The following ESR2 variants were observed in gnomAD, a reference collection of about 807,000 sequenced individuals.
The protein encoded by ESR2 is estrogen receptor 2, also known as estrogen receptor beta.
Under a neutral mutation model 49.6 loss-of-function variants are expected in ESR2, and 36 were observed. That is an observed-to-expected ratio of 0.73 (90% CI 0.56 to 0.96). The LOEUF is 0.96. ESR2 is among the 40% of genes least tolerant of loss of function. ESR2 has a pLI of 0.00. For synonymous variants in ESR2, 320 were observed against 266.1 expected (o/e 1.20, Z -1.97); for missense variants, 714 against 693.0 (o/e 1.03, Z -0.34).
rs142729036 is a variant in ESR2 at position 64,284,382 on chromosome 14, A to C, written c.-90-1307T>G. Among the ~76,000 whole-genome samples the C allele has an allele frequency of 7.7e-4, 117 of 152,020 alleles. 3 individuals carry two copies. The East Asian group carries it at 0.022, about 29-fold the overall frequency. On this transcript the variant is annotated intron_variant, in intron 1 of 8. Coordinates refer to ENST00000341099, the MANE Select transcript of ESR2 (RefSeq NM_001437.3). ...ACTCTTGTTGCCTAGGCTGGAGTGC[A>C]ATGGCGCCATATCAGCTCACTGCAA...
chr14:64,238,854 A>G (rs1316624999), intron 7 of ESR2, among the ~76,000 whole-genome samples: 3 of 152,026 alleles, frequency 2.0e-5, no homozygotes, highest in African/African-American at 7.2e-5. Context: ...TCTCCCCTTT[A>G]TCAGCTGGGA....
chr14:64,284,334 C>CG, intron 1 of ESR2, among the ~76,000 whole-genome samples: 1 of 151,050 alleles, frequency 6.6e-6, no homozygotes, highest in East Asian at 2.0e-4. Context: ...ACAGGCAAAT[C>CG]TTTTTTTTTG....
At chr14:64,243,969 G>A (rs1267311466) in intron 7 of ESR2, among the ~76,000 whole-genome samples, 2 of 152,200 alleles carry the variant, frequency 1.3e-5, no homozygotes, top group South Asian at 2.1e-4. Context: ...GACCACTGGT[G>A]TCTATTTGGG....
At chr14:64,253,564 G>T (rs1175268502) in intron 6 of ESR2, among the ~76,000 whole-genome samples, 4 of 72,354 alleles carry the variant, frequency 5.5e-5, no homozygotes, top group African/African-American at 1.4e-4. Context: ...CACTATTTGT[G>T]TGTGTGTGTG....
intron 1 of ESR2, among the ~76,000 whole-genome samples, chr14:64,290,466 G>A (rs2076853887): frequency 6.6e-6 from 1 of 152,140 alleles, no homozygotes; most frequent in South Asian, 2.1e-4. Context: ...GCAGTGGCAT[G>A]ATCGCGGCTC....
chr14:64,254,472 C>T (rs768215776), intron 6 of ESR2, among the ~76,000 whole-genome samples: 3 of 151,668 alleles, frequency 2.0e-5, no homozygotes, highest in Non-Finnish European at 4.4e-5. Context: ...GTAGGCTGGG[C>T]GTGGTGACTC....
At chr14:64,329,888 C>T (rs1362888670) in intron 1 of ESR2, 2 of 152,304 alleles carry the variant, frequency 1.3e-5, no homozygotes, top group Admixed American at 6.5e-5. Flanking sequence ...CCTGTAATCC[C>T]AGCACTTTGG....
At chr14:64,317,773 T>C (rs903181518) in intron 1 of ESR2, among the ~76,000 whole-genome samples, 2 of 152,068 alleles carry the variant, frequency 1.3e-5, no homozygotes, top group Non-Finnish European at 2.9e-5. Flanking sequence ...ATCATATCAA[T>C]AGACACAGAA....
Position 64,260,447 on chromosome 14 carries a change from A to C in ESR2, c.952+2T>G. 1 of 1,522,514 alleles carries C rather than the reference A, an allele frequency of 6.6e-7. No individual in the cohort carries two copies. Among genetic ancestry groups the C allele is most frequent in the Non-Finnish European group, 8.8e-7 (1 of 1,136,520 alleles). 94.3% of individuals were successfully genotyped at this position (1,522,514 alleles called of 1,614,324 possible). On this transcript the variant is annotated splice_donor_variant, in intron 5 of 8. Transcript: ENST00000341099. LOFTEE classifies it high-confidence loss of function. ...GGAAAACTGATAGCCAGAAAGCCCT[A>C]CCGGGAATCTTCTTGGCCCAGCTGA...
rs56347632 is a variant in ESR2 at position 64,241,145 on chromosome 14, C to CAAAAAAAAAAA, written c.1226-6006_1226-5996dup. ...TGGGCCACAGAGCGAGACTCCGTCT[C>CAAAAAAAAAAA]AAAAAAAAAAAAAAAAAAAAAAAAA... is the stretch of plus-strand genomic sequence containing the variant. On this transcript the variant is annotated intron_variant, in intron 7 of 8. Coordinates refer to ENST00000341099, the MANE Select transcript of ESR2 (RefSeq NM_001437.3). 3.9e-3 allele frequency among the ~76,000 whole-genome samples: 373 copies of CAAAAAAAAAAA among 95,368 alleles called. 28 individuals are homozygous for CAAAAAAAAAAA. The East Asian group carries it at 0.06, about 15-fold the overall frequency. 62.6% of individuals were successfully genotyped at this position (95,368 alleles called of 152,430 possible). A position where few individuals can be genotyped will look rare whatever the true frequency, so the allele number is the denominator to read the frequency against.
At chr14:64,304,674 G>C (rs945901695) in intron 1 of ESR2, among the ~76,000 whole-genome samples, 5 of 152,062 alleles carry the variant, frequency 3.3e-5, no homozygotes, top group African/African-American at 1.2e-4. Context: ...TTTGAGATCA[G>C]CCTGGGCAAC....
chr14:64,292,715 C>A (rs2140848540), intron 1 of ESR2, among the ~76,000 whole-genome samples: 1 of 152,262 alleles, frequency 6.6e-6, no homozygotes, highest in South Asian at 2.1e-4. Context: ...ATGTGTTCAA[C>A]ATACACTTAT....
chr14:64,335,971 ATTTGTGTGTG>A (rs1159379171), intron 1 of ESR2: 2 of 105,350 alleles, frequency 1.9e-5, no homozygotes, highest in Non-Finnish European at 3.8e-5. Context: ...CGCCCAGCTA[ATTTGTGTGTG>A]TGTGTGTGTG....
chr14:64,312,735 A>G (rs2077200210), intron 1 of ESR2, among the ~76,000 whole-genome samples: 1 of 151,924 alleles, frequency 6.6e-6, no homozygotes, highest in Admixed American at 6.6e-5. Flanking sequence ...CAGCCTGGCC[A>G]GTCTCTACTA....
At chr14:64,244,547 A>G (rs2075809704) in intron 7 of ESR2, among the ~76,000 whole-genome samples, 2 of 152,192 alleles carry the variant, frequency 1.3e-5, no homozygotes, top group Middle Eastern at 3.4e-3. Context: ...TGGAACACCC[A>G]TTTTCTCCTG....
chr14:64,258,285 T>C (rs1416993177), intron 5 of ESR2, among the ~76,000 whole-genome samples: 1 of 152,088 alleles, frequency 6.6e-6, no homozygotes, highest in Non-Finnish European at 1.5e-5. Flanking sequence ...ATAACCCATG[T>C]TGGTCACAGT....
intron 1 of ESR2, among the ~76,000 whole-genome samples, chr14:64,284,993 G>A (rs191591085): frequency 6.2e-4 from 94 of 152,092 alleles, no homozygotes; most frequent in South Asian, 3.7e-3. Flanking sequence ...GGGATTATAG[G>A]CGCCCGCCAC....
Position 64,231,510 on chromosome 14 carries a change from T to A in ESR2, c.*1627A>T, listed in dbSNP as rs57296917. The A allele has an allele frequency of 5.0e-3, 757 of 152,306 alleles. 4 individuals are homozygous for A. The highest frequency in any genetic ancestry group is 0.017 in the African/African-American group (693 of 41,566). The allele number at this position is 152,306 out of a possible 1,614,324, so 9.4% of individuals were successfully genotyped here. ...CATCAGTGTGTTCTCTAGGTACTTG[T>A]CCAAGCATTTCTGAAACAGCTAAGC... is the stretch of plus-strand genomic sequence containing the variant. On this transcript the variant is annotated 3_prime_UTR_variant, in exon 9 of 9. Coordinates refer to ENST00000341099, the MANE Select transcript of ESR2 (RefSeq NM_001437.3).
At position 64,257,348 on chromosome 14, in the gene ESR2, G is replaced by A. The variant is rs145690231; in HGVS notation, c.969C>T (p.Ser323=). The change falls in exon 6 of 9, where the codon AGC becomes AGT. Residue 323 remains serine, a synonymous_variant. Coordinates refer to ENST00000341099, the MANE Select transcript of ESR2 (RefSeq NM_001437.3). Reference sequence around the variant, plus strand: ...CCAAGAGCCGCACTTGGTCGAACAGGCTGAGCTCCACAAAGCCTGGGGAAA... The same window carrying A: ...CCAAGAGCCGCACTTGGTCGAACAGACTGAGCTCCACAAAGCCTGGGGAAA... ...AKKIPGFVEL[S]LFDQVRLLES... is the part of the protein sequence containing the mutation. 18 of 1,612,986 alleles carry A rather than the reference G, an allele frequency of 1.1e-5. No individual in the cohort carries two copies. The East Asian group carries it at 3.8e-4, about 34-fold the overall frequency.
Sources: allele counts gnomAD v4.1 joint callset (sites outside exome capture counted in the v4.1 genomes callset), GRCh38; gene constraint gnomAD v4.1.1; transcripts MANE v1.5; gene names NCBI Gene and HGNC (gene_info 2026-07-23, HGNC 2026-07-21).